Variants in ARHGAP32 observed in about 807,000 individuals in gnomAD.
ARHGAP32 encodes rho GTPase-activating protein 32.
ARHGAP32 carries 51 observed loss-of-function variants against 186.5 expected under a neutral mutation model. The ratio of observed to expected loss-of-function variants is 0.27; its 90% CI spans 0.22 to 0.35. The LOEUF is 0.35. Among genes scored for constraint, ARHGAP32 ranks in the 10% least tolerant of loss-of-function variants. ARHGAP32 has a pLI of 1.00. For missense variants in ARHGAP32, 2,186 were observed against 2,623.5 expected (o/e 0.83, Z 3.64); for synonymous variants, 950 against 964.3 (o/e 0.99, Z 0.27).
intron 1 of ARHGAP32, among the ~76,000 whole-genome samples, chr11:129,219,810 A>T (rs1025412175): frequency 7.2e-5 from 11 of 152,126 alleles, no homozygotes; most frequent in African/African-American, 2.7e-4. Flanking sequence ...CTACTTACAA[A>T]CAAAAATAAC....
intron 6 of ARHGAP32, among the ~76,000 whole-genome samples, chr11:129,081,341 G>C (rs1350682444): frequency 6.6e-6 from 1 of 151,792 alleles, no homozygotes; most frequent in African/African-American, 2.4e-5. Context: ...TATCCCTGAA[G>C]AACAGATGTA....
chr11:129,201,247 T>C (rs1944451781), intron 1 of ARHGAP32, among the ~76,000 whole-genome samples: 1 of 152,194 alleles, frequency 6.6e-6, no homozygotes, highest in Admixed American at 6.5e-5. Flanking sequence ...CCTGTATCTT[T>C]CACTGTAATA....
chr11:129,117,109 C>A (rs1211649200), intron 5 of ARHGAP32, among the ~76,000 whole-genome samples: 1 of 151,986 alleles, frequency 6.6e-6, no homozygotes, highest in Non-Finnish European at 1.5e-5. Flanking sequence ...TACTCTAGAA[C>A]CATCATTTAC....
chr11:129,145,697 C>T (rs1261304829), intron 2 of ARHGAP32, among the ~76,000 whole-genome samples: 4 of 152,114 alleles, frequency 2.6e-5, no homozygotes, highest in Non-Finnish European at 4.4e-5. Context: ...ACAATTCAAA[C>T]GGTTATAGGC....
intron 2 of ARHGAP32, among the ~76,000 whole-genome samples, chr11:129,142,070 A>G (rs1047618622): frequency 6.0e-5 from 9 of 148,968 alleles, no homozygotes; most frequent in African/African-American, 2.2e-4. Flanking sequence ...AAATTTGCCC[A>G]TGTTATAGTA....
In ARHGAP32 at chr11:129,051,302, CTGT is replaced by C. The variant is rs1227525573; in HGVS notation, c.964-10296_964-10294del. ...TATTTCTCCACATCCTCTCCAGCATCTGTTGTTTCCTGACTTTTTAATAATCGC... is the reference window on the plus strand; with the variant it reads ...TATTTCTCCACATCCTCTCCAGCATCTGTTTCCTGACTTTTTAATAATCGC... On this transcript the variant is annotated intron_variant, in intron 10 of 22. Transcript: ENST00000682385. 5.9e-5 allele frequency among the ~76,000 whole-genome samples: 9 copies of C among 152,322 alleles called. No homozygotes were observed. In the East Asian group the frequency reaches 1.7e-3, roughly 29 times the overall value.
Position 129,038,831 on chromosome 11 carries a change from G to T in ARHGAP32, c.1045+2097C>A, listed in dbSNP as rs573619471. ...GAGGCCTGGAGTTGAGGGCTGCAGT[G>T]AGCTATGATCACAACACTGCACTGC... On this transcript the variant is annotated intron_variant, in intron 11 of 22. Coordinates refer to ENST00000682385, the MANE Select transcript of ARHGAP32 (RefSeq NM_001378024.1). Among the ~76,000 whole-genome samples, 430 of 143,866 alleles carry T rather than the reference G, an allele frequency of 3.0e-3. 2 individuals carry two copies. Among genetic ancestry groups the T allele is most frequent in the African/African-American group, 0.011 (413 of 38,840 alleles). 94.4% of individuals were successfully genotyped at this position (143,866 alleles called of 152,430 possible).
chr11:129,043,373 CTTTT>C (rs1162755786), intron 10 of ARHGAP32, among the ~76,000 whole-genome samples: 6 of 83,718 alleles, frequency 7.2e-5, no homozygotes, highest in African/African-American at 2.5e-4. Flanking sequence ...ATGCAAATTT[CTTTT>C]TTTCTTTTTT....
intron 2 of ARHGAP32, among the ~76,000 whole-genome samples, chr11:129,139,109 G>A (rs906567566): frequency 3.9e-5 from 6 of 152,018 alleles, no homozygotes; most frequent in East Asian, 1.9e-4. Context: ...CACAAAAGTC[G>A]CTAAACATTA....
Position 128,998,343 on chromosome 11 carries a change from G to GC in ARHGAP32, c.1170_1171insG (p.His391AlafsTer8). The GC allele has an allele frequency of 6.3e-7, 1 of 1,579,436 alleles. No individual in the cohort carries two copies. Among genetic ancestry groups the GC allele is most frequent in the Non-Finnish European group, 8.6e-7 (1 of 1,162,142 alleles). ...CCTTCAAAACCAGAATTTAGAAGGT[G>GC]TTCCCCCAGGTCACAACCAAACACC... is the stretch of plus-strand genomic sequence containing the variant. On this transcript the variant is annotated frameshift_variant, in exon 12 of 23. Transcript: ENST00000682385. LOFTEE classifies it high-confidence loss of function.
intron 20 of ARHGAP32, among the ~76,000 whole-genome samples, chr11:128,975,657 T>G (rs1250395233): frequency 6.6e-6 from 1 of 152,188 alleles, no homozygotes; most frequent in Non-Finnish European, 1.5e-5. Context: ...TGTTGCTAAA[T>G]ATCCAACTGG....
chr11:128,981,987 T>C lies in ARHGAP32; in HGVS notation c.1527-51A>G, dbSNP rs369341907. 12 of 1,190,074 alleles carry C rather than the reference T, an allele frequency of 1.0e-5. No homozygotes were observed. The African/African-American group carries it at 1.4e-4, about 14-fold the overall frequency. 73.7% of individuals were successfully genotyped at this position (1,190,074 alleles called of 1,614,324 possible). A position where few individuals can be genotyped will look rare whatever the true frequency, so the allele number is the denominator to read the frequency against. Reference sequence around the variant, plus strand: ...CAGAAAGAAACATGATGCAGCAGTATAGAACATAAAAGCCTGCTAATTAAT... The same window carrying C: ...CAGAAAGAAACATGATGCAGCAGTACAGAACATAAAAGCCTGCTAATTAAT... On this transcript the variant is annotated intron_variant, in intron 15 of 22. Coordinates refer to ENST00000682385, the MANE Select transcript of ARHGAP32 (RefSeq NM_001378024.1).
chr11:129,143,952 G>T (rs774306101), intron 2 of ARHGAP32, among the ~76,000 whole-genome samples: 2 of 152,010 alleles, frequency 1.3e-5, no homozygotes, highest in Non-Finnish European at 2.9e-5. Context: ...ATCCACTGGG[G>T]GTCTTGGAAC....
At chr11:128,979,979 A>C (rs1022468589) in intron 18 of ARHGAP32, among the ~76,000 whole-genome samples, 5 of 152,230 alleles carry the variant, frequency 3.3e-5, no homozygotes, top group African/African-American at 4.8e-5. Flanking sequence ...CAGACATCAG[A>C]ATCACCTGGA....
upstream of ARHGAP32, among the ~76,000 whole-genome samples, chr11:129,194,125 G>A (rs1260573056): frequency 6.6e-6 from 1 of 152,016 alleles, no homozygotes; most frequent in African/African-American, 2.4e-5. Context: ...GAGGACATGG[G>A]AAAAGAAACA....
chr11:129,123,800 G>T lies in ARHGAP32; in HGVS notation c.359+88C>A. On this transcript the variant is annotated intron_variant, in intron 4 of 22. Transcript: ENST00000682385. This position sits in a 1 kb window ranked among gnomAD's most constrained non-coding sequence, Gnocchi z 4.6. ...CCGAATCAATGTCCATAGAAAAACTGCTATTTTCGGCAAATGTTATGGAAA... is the reference window on the plus strand; with the variant it reads ...CCGAATCAATGTCCATAGAAAAACTTCTATTTTCGGCAAATGTTATGGAAA... 9.2e-7 allele frequency: 1 copy of T among 1,089,492 alleles called. No homozygotes were observed. Among genetic ancestry groups the T allele is most frequent in the African/African-American group, 1.6e-5 (1 of 61,914 alleles). 67.5% of individuals were successfully genotyped at this position (1,089,492 alleles called of 1,614,324 possible). A position where few individuals can be genotyped will look rare whatever the true frequency, so the allele number is the denominator to read the frequency against.
At chr11:129,257,594 C>T (rs576710250) in intron 1 of ARHGAP32, among the ~76,000 whole-genome samples, 1 of 150,784 alleles carries the variant, frequency 6.6e-6, no homozygotes, top group Non-Finnish European at 1.5e-5. Flanking sequence ...GGCAACATAA[C>T]AAAACTTTGT....
chr11:128,971,422 T>A (rs544237288), intron 22 of ARHGAP32: 1 of 413,456 alleles, frequency 2.4e-6, no homozygotes, highest in Admixed American at 4.0e-5. Flanking sequence ...AGGTTGCCTA[T>A]GGCATAATTT....
intron 6 of ARHGAP32, among the ~76,000 whole-genome samples, chr11:129,082,882 AAACAACAACAACAAC>A (rs749344692): frequency 6.6e-6 from 1 of 151,578 alleles, no homozygotes; most frequent in African/African-American, 2.4e-5. Context: ...CAGCAAGACA[AAACAACAACAACAAC>A]AACAACAACA....
Sources: gnomAD v4.1 joint callset for allele counts (sites outside exome capture counted in the v4.1 genomes callset) on GRCh38, gnomAD v4.1.1 for gene constraint, Gnocchi (gnomAD v3.1) non-coding constraint, MANE v1.5 for transcripts, NCBI Gene and HGNC (gene_info 2026-07-23, HGNC 2026-07-21) for gene names.